Variants in TAFA1 observed in about 807,000 individuals in gnomAD.
The protein encoded by TAFA1 is chemokine-like protein TAFA-1.
Under a neutral mutation model 18.5 loss-of-function variants are expected in TAFA1, and 4 were observed. The ratio of observed to expected loss-of-function variants is 0.22; its 90% CI spans 0.11 to 0.49. TAFA1 has a LOEUF of 0.49. TAFA1 is among the 20% of genes least tolerant of loss of function. TAFA1 has a pLI of 0.98. For synonymous variants in TAFA1, 56 were observed against 55.2 expected, an observed-to-expected ratio of 1.01 and a Z score of -0.06; for missense variants, 147 against 169.0, an observed-to-expected ratio of 0.87 and a Z score of 0.72.
rs71112618 is a variant in TAFA1, at chr3:68,147,039, GTATA to G, written c.118+140311_118+140314del. Among the ~76,000 whole-genome samples the G allele has an allele frequency of 3.7e-3, 554 of 148,286 alleles. 20 individuals carry two copies. The highest frequency in any genetic ancestry group is 7.0e-4 in the Non-Finnish European group (47 of 67,210). On this transcript the variant is annotated intron_variant, in intron 2 of 4. Coordinates refer to ENST00000478136, the MANE Select transcript of TAFA1 (RefSeq NM_213609.4). ...TATATATGTGTGTGTGTGTGTGTGT[GTATA>G]TATATATATATATATTCTATATATA...
chr3:68,323,454 C>T (rs984895058), intron 2 of TAFA1, among the ~76,000 whole-genome samples: 2 of 152,130 alleles, frequency 1.3e-5, no homozygotes, highest in African/African-American at 2.4e-5. Flanking sequence ...TTGAGTTTTT[C>T]GAGGAAAGGA....
At chr3:68,121,249 ATGTGTG>A (rs67968765) in intron 2 of TAFA1, among the ~76,000 whole-genome samples, 4,755 of 148,008 alleles carry the variant, frequency 0.032, 81 homozygotes, top group East Asian at 0.061. Flanking sequence ...ATGTACATTA[ATGTGTG>A]TGTGTGTGTG....
chr3:68,476,682 C>A (rs1471039817), intron 3 of TAFA1, among the ~76,000 whole-genome samples: 1 of 152,070 alleles, frequency 6.6e-6, no homozygotes, highest in Admixed American at 6.6e-5. Flanking sequence ...CCTAAATTAA[C>A]CCTGAGGATT....
rs147795490 is a variant in TAFA1 at position 68,327,691 on chromosome 3, G to A, written c.119-89589G>A. On this transcript the variant is annotated intron_variant, in intron 2 of 4. Transcript: ENST00000478136. ...AGTACTCAACAAAGGGCATTAGTTG[G>A]GGTATTACTGCCCAGTGCACAGTTC... Among the ~76,000 whole-genome samples, 1,472 of 152,252 alleles carry A rather than the reference G, an allele frequency of 9.7e-3. 22 individuals carry two copies. The highest frequency in any genetic ancestry group is 0.011 in the Non-Finnish European group (746 of 68,008).
chr3:68,455,344 TTG>T (rs575822559), intron 3 of TAFA1, among the ~76,000 whole-genome samples: 133 of 152,130 alleles, frequency 8.7e-4, no homozygotes, highest in African/African-American at 3.0e-3. Context: ...ATCATAACAT[TTG>T]TCTGATGTTT....
intron 3 of TAFA1, among the ~76,000 whole-genome samples, chr3:68,506,798 C>T (rs2072765884): frequency 6.7e-6 from 1 of 150,300 alleles, no homozygotes; most frequent in South Asian, 2.1e-4. Context: ...CCCAAAATGC[C>T]CTTCTTTTCA....
intron 2 of TAFA1, among the ~76,000 whole-genome samples, chr3:68,414,366 G>A (rs916605344): frequency 1.3e-5 from 2 of 152,162 alleles, no homozygotes; most frequent in Non-Finnish European, 2.9e-5. Context: ...GAGGAGGGGC[G>A]GCTCGGATAT....
chr3:68,073,522 G>T (rs181514392), intron 2 of TAFA1, among the ~76,000 whole-genome samples: 18 of 152,346 alleles, frequency 1.2e-4, no homozygotes, highest in Admixed American at 1.2e-3. Flanking sequence ...AGCACTATGA[G>T]GGTGGCCATG....
chr3:68,229,579 T>C (rs1447903779), intron 2 of TAFA1, among the ~76,000 whole-genome samples: 1 of 152,166 alleles, frequency 6.6e-6, no homozygotes, highest in African/African-American at 2.4e-5. Flanking sequence ...TGTGGAAACA[T>C]AGGCTGGAAC....
chr3:68,148,756 C>CTAAG (rs1388859112), intron 2 of TAFA1, among the ~76,000 whole-genome samples: 2 of 152,138 alleles, frequency 1.3e-5, no homozygotes, highest in African/African-American at 4.8e-5. Context: ...GGAGGCAGAG[C>CTAAG]TAAGGGTTAT....
intron 3 of TAFA1, among the ~76,000 whole-genome samples, chr3:68,470,813 G>C (rs1482579006): frequency 1.3e-5 from 2 of 152,208 alleles, no homozygotes; most frequent in Admixed American, 6.5e-5. Flanking sequence ...CACTTTCTGA[G>C]GAGAAATTCA....
chr3:68,072,728 GT>G (rs969636212), intron 2 of TAFA1, among the ~76,000 whole-genome samples: 3 of 152,178 alleles, frequency 2.0e-5, no homozygotes, highest in African/African-American at 7.2e-5. Flanking sequence ...AGTGAGTTCA[GT>G]TTTGGGCTGT....
At chr3:68,427,847 A>T (rs1024614577) in intron 3 of TAFA1, among the ~76,000 whole-genome samples, 21 of 151,918 alleles carry the variant, frequency 1.4e-4, no homozygotes, top group Admixed American at 4.6e-4. Context: ...AATAAGTCTC[A>T]TGAGATCTGA....
chr3:68,503,050 C>G (rs924205947), intron 3 of TAFA1, among the ~76,000 whole-genome samples: 2 of 152,150 alleles, frequency 1.3e-5, no homozygotes, highest in African/African-American at 4.8e-5. Context: ...AATCCATAAT[C>G]TGACCTACTC....
At chr3:68,128,725 G>T (rs1419257251) in intron 2 of TAFA1, among the ~76,000 whole-genome samples, 1 of 152,114 alleles carries the variant, frequency 6.6e-6, no homozygotes, top group African/African-American at 2.4e-5. Context: ...GAATCATTTA[G>T]CCATCAGCAA....
chr3:68,402,200 G>A (rs748134001), intron 2 of TAFA1, among the ~76,000 whole-genome samples: 6 of 152,022 alleles, frequency 3.9e-5, no homozygotes, highest in Admixed American at 6.6e-5. Context: ...CCTCCACCCC[G>A]AAGCTCACCT....
chr3:68,070,170 T>C (rs2064735392), intron 2 of TAFA1, among the ~76,000 whole-genome samples: 1 of 152,224 alleles, frequency 6.6e-6, no homozygotes, highest in South Asian at 2.1e-4. Context: ...GTCCCACCCT[T>C]ACAGCAAACT....
intron 2 of TAFA1, among the ~76,000 whole-genome samples, chr3:68,081,916 C>A (rs1316050384): frequency 6.6e-6 from 1 of 152,206 alleles, no homozygotes; most frequent in Non-Finnish European, 1.5e-5. Flanking sequence ...CCCAGCCTCG[C>A]TGCCACCTTG....
At chr3:68,430,595 T>G (rs1304415077) in intron 3 of TAFA1, among the ~76,000 whole-genome samples, 1 of 151,970 alleles carries the variant, frequency 6.6e-6, no homozygotes, top group African/African-American at 2.4e-5. Flanking sequence ...GAGCCCTCTA[T>G]AGAGACAAAC....
Sources: gnomAD v4.1 joint callset for allele counts (sites outside exome capture counted in the v4.1 genomes callset) on GRCh38, gnomAD v4.1.1 for gene constraint, MANE v1.5 for transcripts, NCBI Gene and HGNC (gene_info 2026-07-23, HGNC 2026-07-21) for gene names.